The following SMPDL3B variants were observed in gnomAD, a reference collection of about 807,000 sequenced individuals.
The protein encoded by SMPDL3B is acid sphingomyelinase-like phosphodiesterase 3b.
Under a neutral mutation model 37.9 loss-of-function variants are expected in SMPDL3B, and 31 were observed. The observed-to-expected ratio is 0.82, with a 90% confidence interval of 0.61 to 1.10. The LOEUF (loss-of-function observed/expected upper bound fraction) is 1.10, where lower values mean the gene tolerates loss of function less well. SMPDL3B is among the 50% of genes least tolerant of loss of function. The probability of loss-of-function intolerance (pLI) is 0.00; values close to 1 mark genes in which losing one functional copy is unlikely to be tolerated. For synonymous variants in SMPDL3B, 235 were observed against 242.6 expected, an observed-to-expected ratio of 0.97 and a Z score of 0.29; for missense variants, 525 against 597.8, an observed-to-expected ratio of 0.88 and a Z score of 1.27.
rs191442020 is a variant in SMPDL3B at position 27,947,823 on chromosome 1, C to T, written c.276-1242C>T. On this transcript the variant is annotated intron_variant, in intron 2 of 7. Coordinates refer to ENST00000373894, the MANE Select transcript of SMPDL3B (RefSeq NM_014474.4). Reference sequence around the variant, plus strand: ...GTCTCGAACTCCTGACCTTATGATCCGCCTGCCTCGGCCTCCCCAAGTGCT... The same window carrying T: ...GTCTCGAACTCCTGACCTTATGATCTGCCTGCCTCGGCCTCCCCAAGTGCT... Among the ~76,000 whole-genome samples, 297 of 151,128 alleles carry T rather than the reference C, an allele frequency of 2.0e-3. 2 individuals carry two copies. Among genetic ancestry groups the T allele is most frequent in the African/African-American group, 6.7e-3 (278 of 41,190 alleles).
intron 1 of SMPDL3B, among the ~76,000 whole-genome samples, chr1:27,943,736 C>T (rs796680729): frequency 6.6e-6 from 1 of 152,074 alleles, no homozygotes; most frequent in South Asian, 2.1e-4. Context: ...CGGTGGCTCA[C>T]GCCTGTAATG....
At position 27,935,125 on chromosome 1, in the gene SMPDL3B, T is replaced by A. The variant is rs373546591; in HGVS notation, c.-59T>A. ...CACAGAAAACTACTTAGGAAGCCTG[T>A]GGTGAGAACAACAACAGTGCCTGAG... On this transcript the variant is annotated 5_prime_UTR_variant, in exon 1 of 8. Coordinates refer to ENST00000373894, the MANE Select transcript of SMPDL3B (RefSeq NM_014474.4). 7.4e-7 allele frequency: 1 copy of A among 1,350,512 alleles called. No homozygotes were observed. The highest frequency in any genetic ancestry group is 1.7e-5 in the Admixed American group (1 of 57,888). The allele number at this position is 1,350,512 out of a possible 1,614,324, so 83.7% of individuals were successfully genotyped here.
intron 1 of SMPDL3B, chr1:27,936,764 A>T: frequency 6.6e-6 from 1 of 152,200 alleles, no homozygotes; most frequent in Non-Finnish European, 1.5e-5. Context: ...CACGCCTGTA[A>T]TCCCAGCACT....
At chr1:27,946,438 C>A (rs949819455) in intron 2 of SMPDL3B, among the ~76,000 whole-genome samples, 1 of 152,106 alleles carries the variant, frequency 6.6e-6, no homozygotes, top group Non-Finnish European at 1.5e-5. Flanking sequence ...AAGTCGTGCT[C>A]AGTTGTGGGG....
rs189246236 is a variant in SMPDL3B, at chr1:27,953,777, T to C, written c.517+419T>C. 1.6e-4 allele frequency among the ~76,000 whole-genome samples: 24 copies of C among 152,186 alleles called. 1 individual carries two copies. Among genetic ancestry groups the C allele is most frequent in the African/African-American group, 5.8e-4 (24 of 41,526 alleles). On this transcript the variant is annotated intron_variant, in intron 4 of 7. Transcript: ENST00000373894. ...AGAATGTTGCAAACACTCACTAGAG[T>C]GATACCCTCAGGAACACCCCCAGCT...
At position 27,952,179 on chromosome 1, in the gene SMPDL3B, T is replaced by C. The variant is rs1321830185; in HGVS notation, c.374-1036T>C. On this transcript the variant is annotated intron_variant, in intron 3 of 7. Transcript: ENST00000373894. ...CCTTCTCATAGGGATTTTTTTTTTT[T>C]CTTAAATGGATTCTTAATGGCTGCT... 6.6e-5 allele frequency among the ~76,000 whole-genome samples: 10 copies of C among 151,902 alleles called. No individual in the cohort carries two copies. In the East Asian group the frequency reaches 1.7e-3, roughly 27 times the overall value.
intron 3 of SMPDL3B, among the ~76,000 whole-genome samples, chr1:27,952,182 T>C (rs1299045483): frequency 1.3e-5 from 2 of 151,970 alleles, no homozygotes; most frequent in Non-Finnish European, 2.9e-5. Flanking sequence ...TTTTTTTTCT[T>C]AAATGGATTC....
At chr1:27,941,156 C>T (rs1191319686) in intron 1 of SMPDL3B, among the ~76,000 whole-genome samples, 1 of 152,184 alleles carries the variant, frequency 6.6e-6, no homozygotes, top group African/African-American at 2.4e-5. Context: ...TGATGGATCC[C>T]ATATTCTTAT....
chr1:27,947,126 T>A (rs2090416113), intron 2 of SMPDL3B, among the ~76,000 whole-genome samples: 1 of 151,220 alleles, frequency 6.6e-6, no homozygotes, highest in Admixed American at 6.6e-5. Context: ...AATCTCCGCC[T>A]CCTGGGTTCA....
chr1:27,942,937 C>T (rs1205174875), intron 1 of SMPDL3B, among the ~76,000 whole-genome samples: 2 of 150,856 alleles, frequency 1.3e-5, no homozygotes, highest in Non-Finnish European at 3.0e-5. Context: ...GCTGAGATTA[C>T]AGGTGTGAGC....
Position 27,948,887 on chromosome 1 carries a change from C to T in SMPDL3B, c.276-178C>T, listed in dbSNP as rs757574785. ...CAAGGGACCCACAGCAGGAAAATGG[C>T]AAAGCCTAGTTCTCAGCTCTGTCCC... On this transcript the variant is annotated intron_variant, in intron 2 of 7. Transcript: ENST00000373894. 4.6e-5 allele frequency: 56 copies of T among 1,227,606 alleles called. 1 individual carries two copies. The highest frequency in any genetic ancestry group is 1.2e-4 in the Admixed American group (6 of 49,356). The allele number at this position is 1,227,606 out of a possible 1,614,324, so 76.0% of individuals were successfully genotyped here.
At chr1:27,936,811 G>C (rs1322635384) in intron 1 of SMPDL3B, 1 of 152,184 alleles carries the variant, frequency 6.6e-6, no homozygotes, top group Non-Finnish European at 1.5e-5. Flanking sequence ...GAGGTCAGGA[G>C]ATTGAGACAA....
At chr1:27,947,226 A>G (rs10902681) in intron 2 of SMPDL3B, among the ~76,000 whole-genome samples, 93,590 of 151,040 alleles carry the variant, frequency 0.62, 29,022 homozygotes, top group South Asian at 0.77. Context: ...ATTAGAGACA[A>G]GGTTTCTCCA....
At position 27,935,086 on chromosome 1, in the gene SMPDL3B, C is replaced by A; in HGVS notation, c.-98C>A. ...ACCTGTAACAGGACAAGGAGTTCTGCTCAGGCACGTGGCCACAGAAAACTA... is the reference window on the plus strand; with the variant it reads ...ACCTGTAACAGGACAAGGAGTTCTGATCAGGCACGTGGCCACAGAAAACTA... On this transcript the variant is annotated 5_prime_UTR_variant, in exon 1 of 8. Coordinates refer to ENST00000373894, the MANE Select transcript of SMPDL3B (RefSeq NM_014474.4). 1 of 894,352 alleles carries A rather than the reference C, an allele frequency of 1.1e-6. No individual in the cohort carries two copies. The highest frequency in any genetic ancestry group is 1.8e-6 in the Non-Finnish European group (1 of 550,746). 55.4% of individuals were successfully genotyped at this position (894,352 alleles called of 1,614,324 possible).
At position 27,958,568 on chromosome 1, in the gene SMPDL3B, G is replaced by A. The variant is rs774226343; in HGVS notation, c.1098G>A (p.Gly366=). Residue 366 remains glycine (G), a synonymous_variant, in exon 8 of 8, where the codon GGG becomes GGA. Coordinates refer to ENST00000373894, the MANE Select transcript of SMPDL3B (RefSeq NM_014474.4). This position sits in a 1 kb window ranked among gnomAD's most constrained non-coding sequence, Gnocchi z 5.6. Reference sequence around the variant, plus strand: ...AGTACCAGCTGACCGAGGCCTATGGGGTGCCGGACGCCAGCGCCCACTCCA... The same window carrying A: ...AGTACCAGCTGACCGAGGCCTATGGAGTGCCGGACGCCAGCGCCCACTCCA... ...ELEYQLTEAY[G]VPDASAHSMH... The A allele has an allele frequency of 5.3e-5, 85 of 1,613,780 alleles. No individual in the cohort carries two copies. The highest frequency in any genetic ancestry group is 1.6e-4 in the Middle Eastern group (1 of 6,084).
At chr1:27,953,996 G>A (rs2090476809) in intron 4 of SMPDL3B, among the ~76,000 whole-genome samples, 1 of 152,222 alleles carries the variant, frequency 6.6e-6, no homozygotes, top group Non-Finnish European at 1.5e-5. Context: ...GAAGCCTGTT[G>A]ATTTAGTCCA....
intron 1 of SMPDL3B, among the ~76,000 whole-genome samples, chr1:27,938,368 G>A (rs1335616091): frequency 1.3e-5 from 2 of 152,214 alleles, no homozygotes; most frequent in Non-Finnish European, 2.9e-5. Flanking sequence ...GAAGAGCCAG[G>A]ATTCAAAATA....
At chr1:27,953,386 A>G (rs753768514) in intron 4 of SMPDL3B, 28 bp downstream of exon 4, 2 of 1,586,426 alleles carry the variant, frequency 1.3e-6, no homozygotes, top group South Asian at 2.3e-5. Context: ...TCCTATCAAG[A>G]GCACTTACTG....
At position 27,949,062 on chromosome 1, in the gene SMPDL3B, T is replaced by C. The variant is rs2090433786; in HGVS notation, c.276-3T>C. On this transcript the variant is annotated splice_polypyrimidine_tract_variant and splice_region_variant and intron_variant, in intron 2 of 7. Coordinates refer to ENST00000373894, the MANE Select transcript of SMPDL3B (RefSeq NM_014474.4). The stretch of plus-strand genomic sequence containing the variant: ...CCCAAATTGGCTTGGTGGTGTTTTG[T>C]AGTGATGACACGCCTCATGTGCCCG... 6.2e-7 allele frequency: 1 copy of C among 1,614,080 alleles called. No homozygotes were observed. Among genetic ancestry groups the C allele is most frequent in the South Asian group, 1.1e-5 (1 of 91,086 alleles).
Sources: gnomAD v4.1 joint callset for allele counts (sites outside exome capture counted in the v4.1 genomes callset) on GRCh38, gnomAD v4.1.1 for gene constraint, Gnocchi (gnomAD v3.1) non-coding constraint, MANE v1.5 for transcripts, NCBI Gene and HGNC (gene_info 2026-07-23, HGNC 2026-07-21) for gene names.